Variants in TASOR2 observed in about 807,000 individuals in gnomAD.
TASOR2 encodes the protein transcription activation suppressor family member 2.
Under a neutral mutation model 199.5 loss-of-function variants are expected in TASOR2, and 84 were observed. The ratio of observed to expected loss-of-function variants is 0.42; its 90% CI spans 0.35 to 0.50. The LOEUF (loss-of-function observed/expected upper bound fraction) is 0.50, where lower values mean the gene tolerates loss of function less well. Ranked by LOEUF, TASOR2 falls within the 20% of genes least tolerant of loss-of-function variation. TASOR2 has a pLI of 0.02. For missense variants in TASOR2, 2,796 were observed against 2,835.9 expected (o/e 0.99, Z 0.32); for synonymous variants, 1,103 against 1,046.6 (o/e 1.05, Z -1.04).
chr10:5,702,706 G>T (rs1245484628), intron 1 of TASOR2, among the ~76,000 whole-genome samples: 1 of 132,438 alleles, frequency 7.6e-6, no homozygotes, highest in Non-Finnish European at 1.6e-5. Context: ...TCCAAAACGG[G>T]CAAAACTGGA....
intron 15 of TASOR2, among the ~76,000 whole-genome samples, chr10:5,753,691 G>A (rs1054698709): frequency 3.9e-5 from 6 of 152,198 alleles, no homozygotes; most frequent in African/African-American, 1.2e-4. Context: ...AATGGTTGCC[G>A]GATTTGGTTT....
chr10:5,689,442 A>G lies in TASOR2; in HGVS notation c.-288+4267A>G, dbSNP rs2131484991. Among the ~76,000 whole-genome samples the G allele has an allele frequency of 6.6e-6, 1 of 152,310 alleles. No homozygotes were observed. Among genetic ancestry groups the G allele is most frequent in the South Asian group, 2.1e-4 (1 of 4,824 alleles). On this transcript the variant is annotated intron_variant, in intron 1 of 20. Transcript: ENST00000328090. The surrounding 1 kb of genome is among the most constrained non-coding windows in gnomAD (Gnocchi z 4.1). ...TGGTGAAACTCTGTCTCTACTAAAA[A>G]TACAAAAATTATCCCGGCATGGGGG...
rs191381445 is a variant in TASOR2, at chr10:5,710,456, G to C, written c.-287-2367G>C. Among the ~76,000 whole-genome samples the C allele has an allele frequency of 2.2e-3, 337 of 152,108 alleles. 2 individuals carry two copies. Among genetic ancestry groups the C allele is most frequent in the African/African-American group, 7.8e-3 (324 of 41,524 alleles). On this transcript the variant is annotated intron_variant, in intron 1 of 20. Transcript: ENST00000328090. The surrounding 1 kb of genome is among the most constrained non-coding windows in gnomAD (Gnocchi z 4.6). Reference sequence around the variant, plus strand: ...ATAAGCAAAAAATAATTTGGTACTTGTTCCTCCTCCTTCGTTTTAAATCAT... The same window carrying C: ...ATAAGCAAAAAATAATTTGGTACTTCTTCCTCCTCCTTCGTTTTAAATCAT...
intron 14 of TASOR2, among the ~76,000 whole-genome samples, chr10:5,745,894 T>A (rs946210041): frequency 1.2e-4 from 18 of 152,240 alleles, no homozygotes; most frequent in African/African-American, 4.1e-4. Context: ...TAAAGTCTTT[T>A]AAATTGTCAG....
chr10:5,748,129 G>C lies in TASOR2; in HGVS notation c.4708G>C (p.Glu1570Gln). ...TTTGGACTTAAAACATCTTGTCTTGGAGTCCAGTGAACCTCCATTTGGTCC... is the reference window on the plus strand; with the variant it reads ...TTTGGACTTAAAACATCTTGTCTTGCAGTCCAGTGAACCTCCATTTGGTCC... The change falls in exon 15 of 21, where the codon GAG becomes CAG. Residue 1570 changes from glutamate to glutamine, a missense_variant. Physicochemically the swap from Glu to Gln is conservative, Grantham distance 29 (BLOSUM62 2). Around this residue, in one of 3 missense-constraint regions of TASOR2, gnomAD observed 1,941 missense variants for 1,924.9 expected, o/e 1.01. Transcript: ENST00000328090. This position sits in a 1 kb window ranked among gnomAD's most constrained non-coding sequence, Gnocchi z 5.1. 6.2e-7 allele frequency: 1 copy of C among 1,614,202 alleles called. No homozygotes were observed. Among genetic ancestry groups the C allele is most frequent in the Non-Finnish European group, 8.5e-7 (1 of 1,180,026 alleles).
At chr10:5,757,649 A>G in exon 17 of TASOR2, 1 of 1,613,324 alleles carries the variant, frequency 6.2e-7, no homozygotes, top group Non-Finnish European at 8.5e-7. Flanking sequence ...ATCAGATGAC[A>G]AGATACTAGA....
chr10:5,688,805 A>G (rs2131483157), intron 1 of TASOR2, among the ~76,000 whole-genome samples: 1 of 151,626 alleles, frequency 6.6e-6, no homozygotes, highest in Admixed American at 6.6e-5. Context: ...CAGGTTTGAG[A>G]CCAGCCTGGG....
chr10:5,707,210 G>A (rs2131535611), intron 1 of TASOR2, among the ~76,000 whole-genome samples: 1 of 152,274 alleles, frequency 6.6e-6, no homozygotes, highest in East Asian at 1.9e-4. Context: ...ACTGAAAGGA[G>A]CTTTAGAAAG....
chr10:5,759,638 T>C (rs1380826434), intron 18 of TASOR2, among the ~76,000 whole-genome samples: 1 of 152,238 alleles, frequency 6.6e-6, no homozygotes, highest in Non-Finnish European at 1.5e-5. Flanking sequence ...ATCCTCACTT[T>C]TATAATGCAG....
chr10:5,742,520 T>G lies in TASOR2; in HGVS notation c.2751T>G (p.Asn917Lys), dbSNP rs1322143797. 1 of 1,612,194 alleles carries G rather than the reference T, an allele frequency of 6.2e-7. No homozygotes were observed. Among genetic ancestry groups the G allele is most frequent in the African/African-American group, 1.3e-5 (1 of 74,722 alleles). ...ACCAGAATTTCATCTGTTCTTACAA[T>G]AATGAGGTATGTAAAGCTGAATACC... Residue 917 changes from asparagine (N) to lysine (K), a missense_variant, in exon 14 of 21, where the codon AAT becomes AAG. By Grantham distance (94) the Asn-to-Lys change is moderately conservative (BLOSUM62 0). Around this residue, in one of 3 missense-constraint regions of TASOR2, gnomAD observed 1,941 missense variants for 1,924.9 expected, o/e 1.01. Transcript: ENST00000328090. The surrounding 1 kb of genome is among the most constrained non-coding windows in gnomAD (Gnocchi z 4.2).
exon 9 of TASOR2, chr10:5,726,945 C>G: frequency 6.2e-7 from 1 of 1,614,034 alleles, no homozygotes; most frequent in South Asian, 1.1e-5. Flanking sequence ...ATCAGCCTTA[C>G]TATCAGAACC....
Position 5,720,488 on chromosome 10 carries a change from G to C in TASOR2, c.-99-56G>C. On this transcript the variant is annotated intron_variant, in intron 3 of 20. Coordinates refer to ENST00000328090, the Ensembl canonical transcript of TASOR2. The surrounding 1 kb of genome is among the most constrained non-coding windows in gnomAD (Gnocchi z 5.3). ...GGCTCGGTGGGGTTGAGAAAAACTTGGTACATATGCAGTTCCATAGTGCTA... is the reference window on the plus strand; with the variant it reads ...GGCTCGGTGGGGTTGAGAAAAACTTCGTACATATGCAGTTCCATAGTGCTA... 1.4e-6 allele frequency: 2 copies of C among 1,447,886 alleles called. No homozygotes were observed. The highest frequency in any genetic ancestry group is 1.8e-6 in the Non-Finnish European group (2 of 1,104,756). 89.7% of individuals were successfully genotyped at this position (1,447,886 alleles called of 1,614,324 possible).
rs1837873368 is a variant in TASOR2, at chr10:5,701,681, G to T, written c.-287-11142G>T. Among the ~76,000 whole-genome samples, 1 of 151,836 alleles carries T rather than the reference G, an allele frequency of 6.6e-6. No individual in the cohort carries two copies. Among genetic ancestry groups the T allele is most frequent in the Non-Finnish European group, 1.5e-5 (1 of 67,938 alleles). On this transcript the variant is annotated intron_variant, in intron 1 of 20. Transcript: ENST00000328090. This position sits in a 1 kb window ranked among gnomAD's most constrained non-coding sequence, Gnocchi z 4.9. Reference sequence around the variant, plus strand: ...TCTTGTATAGATCTTTCACTTCTTTGGCTAAATTGATTCCTAGGTATGTTA... The same window carrying T: ...TCTTGTATAGATCTTTCACTTCTTTTGCTAAATTGATTCCTAGGTATGTTA...
intron 11 of TASOR2, 93 bp from the exon 13 acceptor site, chr10:5,735,211 C>CA: frequency 2.7e-6 from 4 of 1,481,176 alleles, no homozygotes; most frequent in Non-Finnish European, 3.6e-6. Context: ...TTACTGTCCC[C>CA]AAAATAAAAA....
chr10:5,686,440 G>T (rs940594995), intron 1 of TASOR2, among the ~76,000 whole-genome samples: 2 of 152,146 alleles, frequency 1.3e-5, no homozygotes, highest in African/African-American at 4.8e-5. Context: ...TCATTTTTCT[G>T]TTGGTAGACA....
chr10:5,691,663 T>A (rs927502008), intron 1 of TASOR2, among the ~76,000 whole-genome samples: 9 of 152,336 alleles, frequency 5.9e-5, no homozygotes, highest in African/African-American at 2.2e-4. Context: ...CTAATTAGGC[T>A]TTCTTCTGGG....
chr10:5,710,930 T>C lies in TASOR2; in HGVS notation c.-287-1893T>C, dbSNP rs1033621753. ...AAATGAATTTGAAAATGCTCAGGTT[T>C]GCCAGTTTGTTTTGAGTAATGCAGC... On this transcript the variant is annotated intron_variant, in intron 1 of 20. Coordinates refer to ENST00000328090, the Ensembl canonical transcript of TASOR2. The surrounding 1 kb of genome is among the most constrained non-coding windows in gnomAD (Gnocchi z 4.6). Among the ~76,000 whole-genome samples the C allele has an allele frequency of 2.0e-5, 3 of 152,220 alleles. No homozygotes were observed. Among genetic ancestry groups the C allele is most frequent in the African/African-American group, 4.8e-5 (2 of 41,578 alleles).
exon 15 of TASOR2, chr10:5,749,146 G>C: frequency 6.5e-7 from 1 of 1,537,810 alleles, no homozygotes; most frequent in Non-Finnish European, 8.7e-7. Context: ...AGAGAAGTGT[G>C]TGCCGCCTTA....
rs1836226340 is a variant in TASOR2 at position 5,689,842 on chromosome 10, C to T, written c.-288+4667C>T. On this transcript the variant is annotated intron_variant, in intron 1 of 20. Coordinates refer to ENST00000328090, the Ensembl canonical transcript of TASOR2. This position sits in a 1 kb window ranked among gnomAD's most constrained non-coding sequence, Gnocchi z 4.1. ...TCCCCAACAGACATACATTGCCAAA[C>T]TTGTGGATTTTTGATAATTTTTGAT... Among the ~76,000 whole-genome samples, 1 of 152,104 alleles carries T rather than the reference C, an allele frequency of 6.6e-6. No homozygotes were observed. Among genetic ancestry groups the T allele is most frequent in the South Asian group, 2.1e-4 (1 of 4,820 alleles).
Sources: allele counts gnomAD v4.1 joint callset (sites outside exome capture counted in the v4.1 genomes callset), GRCh38; gene constraint gnomAD v4.1.1; regional missense constraint gnomAD v4.1.1; non-coding constraint Gnocchi (gnomAD v3.1); transcripts MANE v1.5; gene names NCBI Gene and HGNC (gene_info 2026-07-23, HGNC 2026-07-21).